NELL2: variants seen among roughly 807,000 people sequenced by gnomAD.
NELL2 encodes protein kinase C-binding protein NELL2.
In NELL2, 41 loss-of-function variants were observed where a neutral mutation model predicts 109.6. The observed-to-expected ratio is 0.37, with a 90% CI of 0.29 to 0.49. The LOEUF (loss-of-function observed/expected upper bound fraction) is 0.49, where lower values mean the gene tolerates loss of function less well. NELL2 is among the 20% of genes least tolerant of loss of function. NELL2 has a pLI of 0.98. For missense variants in NELL2, 900 were observed against 1,008.3 expected (o/e 0.89, Z 1.45); for synonymous variants, 355 against 344.7 (o/e 1.03, Z -0.33).
chr12:44,686,930 T>C (rs1318337158), intron 12 of NELL2, among the ~76,000 whole-genome samples: 1 of 152,204 alleles, frequency 6.6e-6, no homozygotes, highest in African/African-American at 2.4e-5. Flanking sequence ...CCTTGAGCTG[T>C]GGTGGGCTCC....
chr12:44,709,712 C>A (rs879389055), intron 11 of NELL2, among the ~76,000 whole-genome samples: 2 of 152,158 alleles, frequency 1.3e-5, no homozygotes, highest in Non-Finnish European at 2.9e-5. Flanking sequence ...TTAGGCCTGA[C>A]CCCAGACCTA....
intron 18 of NELL2, 140 bp downstream of exon 18, chr12:44,521,860 T>A: frequency 1.3e-6 from 1 of 760,466 alleles, no homozygotes; most frequent in Non-Finnish European, 2.1e-6. Context: ...TATCACCTCA[T>A]CATCCTAACC....
intron 15 of NELL2, among the ~76,000 whole-genome samples, chr12:44,541,069 A>G (rs1033166915): frequency 4.0e-5 from 6 of 150,964 alleles, no homozygotes; most frequent in Non-Finnish European, 8.9e-5. Context: ...CACAGTGAAA[A>G]CCCATCTCTA....
At chr12:44,819,867 CCTGA>C (rs764988516) in intron 2 of NELL2, among the ~76,000 whole-genome samples, 14 of 152,194 alleles carry the variant, frequency 9.2e-5, no homozygotes, top group South Asian at 4.1e-4. Flanking sequence ...TTTCTTTCAT[CCTGA>C]CTAAGTTCAT....
chr12:44,709,194 G>C (rs1007351912), intron 11 of NELL2, among the ~76,000 whole-genome samples: 11 of 152,078 alleles, frequency 7.2e-5, no homozygotes, highest in Non-Finnish European at 1.5e-4. Context: ...TCTATGGTGA[G>C]GTCTATTTCC....
chr12:44,777,887 A>G (rs1261182712), intron 5 of NELL2, among the ~76,000 whole-genome samples: 1 of 152,194 alleles, frequency 6.6e-6, no homozygotes, highest in African/African-American at 2.4e-5. Flanking sequence ...TAAAATGAAA[A>G]TTTTTTAAAT....
At chr12:44,521,532 A>G (rs1941538728) in intron 18 of NELL2, among the ~76,000 whole-genome samples, 1 of 150,592 alleles carries the variant, frequency 6.6e-6, no homozygotes, top group Non-Finnish European at 1.5e-5. Flanking sequence ...TCCGTCTCAA[A>G]AAAAAAAAAA....
rs563769057 is a variant in NELL2 at position 44,648,900 on chromosome 12, TTGTG to T, written c.1444+16580_1444+16583del. Among the ~76,000 whole-genome samples the T allele has an allele frequency of 8.4e-3, 898 of 107,148 alleles. 8 individuals carry two copies. Among genetic ancestry groups the T allele is most frequent in the Non-Finnish European group, 9.4e-3 (519 of 55,490 alleles). 70.3% of individuals were successfully genotyped at this position (107,148 alleles called of 152,430 possible). On this transcript the variant is annotated intron_variant, in intron 13 of 19. Coordinates refer to ENST00000429094, the MANE Select transcript of NELL2 (RefSeq NM_001145108.2). ...ACAGGCGCATGCCACCACGCCCAGC[TTGTG>T]TGTGTGTGTGTGTGTGTGTGTGTGT...
At chr12:44,578,670 T>A (rs1396840184) in intron 15 of NELL2, among the ~76,000 whole-genome samples, 15 of 147,128 alleles carry the variant, frequency 1.0e-4, no homozygotes, top group Non-Finnish European at 1.0e-4. Flanking sequence ...CAGGAGAGAG[T>A]AATGTGTGCC....
chr12:44,810,789 G>A (rs1385650442), intron 3 of NELL2, among the ~76,000 whole-genome samples: 6 of 151,992 alleles, frequency 3.9e-5, no homozygotes, highest in Non-Finnish European at 8.8e-5. Context: ...TGGGTCGCAG[G>A]GGACAGGAAT....
chr12:44,609,092 G>C (rs930603490), intron 14 of NELL2, among the ~76,000 whole-genome samples: 1 of 151,638 alleles, frequency 6.6e-6, no homozygotes, highest in African/African-American at 2.4e-5. Context: ...TTTGAGTTAG[G>C]TTTTGTACAT....
intron 15 of NELL2, among the ~76,000 whole-genome samples, chr12:44,580,794 A>G (rs1417712457): frequency 2.6e-5 from 4 of 152,166 alleles, no homozygotes; most frequent in African/African-American, 9.7e-5. Context: ...AAAAATCACT[A>G]AAAGGAAGCC....
At position 44,902,592 on chromosome 12, in the gene NELL2, C is replaced by T. The variant is rs141287047; in HGVS notation, c.38+11207G>A. 6.4e-3 allele frequency among the ~76,000 whole-genome samples: 980 copies of T among 152,230 alleles called. 10 individuals are homozygous for T. The highest frequency in any genetic ancestry group is 0.022 in the African/African-American group (932 of 41,550). On this transcript the variant is annotated intron_variant, in intron 1 of 20. Transcript: ENST00000333837. ...GGAACCAGAAAAGAGCCCGTATAGC[C>T]AAGACAATCCTAAGCAAAAAGAACA...
intron 15 of NELL2, among the ~76,000 whole-genome samples, chr12:44,592,244 A>C (rs1013386835): frequency 1.3e-5 from 2 of 152,236 alleles, no homozygotes; most frequent in African/African-American, 2.4e-5. Context: ...TGATTTAATA[A>C]ATGTAAAGCA....
intron 1 of NELL2, among the ~76,000 whole-genome samples, chr12:44,906,291 G>T (rs1189756419): frequency 1.3e-5 from 2 of 152,058 alleles, no homozygotes; most frequent in Non-Finnish European, 2.9e-5. Context: ...GAGGAAATGC[G>T]GTTAAATTAT....
intron 11 of NELL2, among the ~76,000 whole-genome samples, chr12:44,707,833 C>T (rs1256997242): frequency 6.6e-6 from 1 of 152,106 alleles, no homozygotes. Context: ...GTAACATATA[C>T]ATAGCACATA....
chr12:44,900,780 A>C (rs1306583380), intron 1 of NELL2, among the ~76,000 whole-genome samples: 1 of 152,040 alleles, frequency 6.6e-6, no homozygotes, highest in Admixed American at 6.6e-5. Context: ...CACAAGGTCA[A>C]GAGATCGAGA....
At chr12:44,783,241 T>C (rs1038614792) in intron 3 of NELL2, among the ~76,000 whole-genome samples, 1 of 151,320 alleles carries the variant, frequency 6.6e-6, no homozygotes, top group Non-Finnish European at 1.5e-5. Flanking sequence ...AAGCAATACT[T>C]GAGAGAGAAA....
intron 12 of NELL2, among the ~76,000 whole-genome samples, chr12:44,686,205 A>G (rs972890018): frequency 1.3e-5 from 2 of 152,124 alleles, no homozygotes; most frequent in African/African-American, 4.8e-5. Context: ...AGTTGATCAC[A>G]TCGGCTCCTG....
Sources: gnomAD v4.1 joint callset for allele counts (sites outside exome capture counted in the v4.1 genomes callset) on GRCh38, gnomAD v4.1.1 for gene constraint, MANE v1.5 for transcripts, NCBI Gene and HGNC (gene_info 2026-07-23, HGNC 2026-07-21) for gene names.